Variants in GALNT13 observed in about 807,000 individuals in gnomAD.
The protein encoded by GALNT13 is polypeptide N-acetylgalactosaminyltransferase 13, also known as UDP-GalNAc:polypeptide N-acetylgalactosaminyltransferase 13.
GALNT13 carries 28 observed loss-of-function variants against 64.2 expected under a neutral mutation model. The observed-to-expected ratio is 0.44, with a 90% CI of 0.32 to 0.60. GALNT13 has a LOEUF of 0.60. Ranked by LOEUF, GALNT13 falls within the 20% of genes least tolerant of loss-of-function variation. The pLI, the probability that GALNT13 is intolerant of heterozygous loss-of-function variation, is 0.05. For synonymous variants in GALNT13, 214 were observed against 224.6 expected, an observed-to-expected ratio of 0.95 and a Z score of 0.42; for missense variants, 577 against 669.8, an observed-to-expected ratio of 0.86 and a Z score of 1.53.
At chr2:154,258,895 C>A in intron 7 of GALNT13, 126 bp from the exon 8 acceptor site, 1 of 563,704 alleles carries the variant, frequency 1.8e-6, no homozygotes, top group Non-Finnish European at 3.2e-6. Flanking sequence ...TACACCTTGA[C>A]TTTGTGTTTT....
At chr2:153,368,473 T>C in the GALNT13 span, among the ~76,000 whole-genome samples, 1 of 152,118 alleles carries the variant, frequency 6.6e-6, no homozygotes, top group Non-Finnish European at 1.5e-5. Context: ...CAGTCTATGA[T>C]ATTTTGTTAG....
chr2:153,563,541 G>A, the GALNT13 span, among the ~76,000 whole-genome samples: 1 of 152,050 alleles, frequency 6.6e-6, no homozygotes, highest in African/African-American at 2.4e-5. Flanking sequence ...TGTGTGGAGC[G>A]GGTCCGGGTA....
intron 9 of GALNT13, among the ~76,000 whole-genome samples, chr2:154,334,662 G>A (rs924309283): frequency 3.9e-5 from 6 of 151,900 alleles, no homozygotes; most frequent in Non-Finnish European, 8.8e-5. Context: ...TGTTTCTAAC[G>A]CCAGAATATT....
chr2:153,349,735 GA>G, the GALNT13 span, among the ~76,000 whole-genome samples: 1 of 151,998 alleles, frequency 6.6e-6, no homozygotes, highest in Admixed American at 6.6e-5. Context: ...AAAGAAAACC[GA>G]GTAAGTCTTG....
chr2:153,833,735 C>G, the GALNT13 span, among the ~76,000 whole-genome samples: 1 of 152,030 alleles, frequency 6.6e-6, no homozygotes, highest in East Asian at 1.9e-4. Context: ...AAGCAGCAGG[C>G]CAGATTTGGG....
At chr2:153,194,825 A>G in the GALNT13 span, among the ~76,000 whole-genome samples, 2 of 149,534 alleles carry the variant, frequency 1.3e-5, no homozygotes, top group East Asian at 4.0e-4. Flanking sequence ...TACTCTCTGT[A>G]TGATTACTTT....
chr2:153,876,672 A>T (rs1686403381), intron 1 of GALNT13, among the ~76,000 whole-genome samples: 1 of 152,116 alleles, frequency 6.6e-6, no homozygotes, highest in Non-Finnish European at 1.5e-5. Flanking sequence ...TTACCAAGAA[A>T]TGATTACAGG....
intron 12 of GALNT13, among the ~76,000 whole-genome samples, chr2:154,447,141 G>C (rs1701629343): frequency 6.6e-6 from 1 of 151,732 alleles, no homozygotes; most frequent in Non-Finnish European, 1.5e-5. Context: ...AACTAACAGG[G>C]CCAAAGAAAG....
the GALNT13 span, among the ~76,000 whole-genome samples, chr2:153,714,616 T>C: frequency 6.6e-6 from 1 of 152,096 alleles, no homozygotes; most frequent in African/African-American, 2.4e-5. Flanking sequence ...ATAATTAAGG[T>C]AGAGAAAAAT....
chr2:153,586,223 G>A, the GALNT13 span, among the ~76,000 whole-genome samples: 6 of 152,078 alleles, frequency 3.9e-5, no homozygotes, highest in African/African-American at 1.4e-4. Context: ...AATATAAATG[G>A]ATTAAATGCA....
the GALNT13 span, among the ~76,000 whole-genome samples, chr2:153,142,226 C>T: frequency 6.6e-6 from 1 of 151,972 alleles, no homozygotes; most frequent in Non-Finnish European, 1.5e-5. Context: ...AGAGCAAAAC[C>T]CCTGGAGGGG....
the GALNT13 span, among the ~76,000 whole-genome samples, chr2:153,828,487 G>A: frequency 6.6e-6 from 1 of 152,194 alleles, no homozygotes; most frequent in African/African-American, 2.4e-5. Flanking sequence ...TCTGAAGCCA[G>A]GGCCCAAGTT....
At chr2:154,360,635 A>G (rs1377609533) in intron 9 of GALNT13, among the ~76,000 whole-genome samples, 1 of 152,154 alleles carries the variant, frequency 6.6e-6, no homozygotes, top group African/African-American at 2.4e-5. Context: ...TGCAACGTGT[A>G]CCTATGTGTG....
At position 153,897,829 on chromosome 2, in the gene GALNT13, A is replaced by G. The variant is rs568533773; in HGVS notation, c.-176-3107A>G. 2.6e-5 allele frequency among the ~76,000 whole-genome samples: 4 copies of G among 152,196 alleles called. No individual in the cohort carries two copies. The South Asian group carries it at 8.3e-4, about 32-fold the overall frequency. ...CCATTACAATAATTATTTATTTCCC[A>G]GTTGTCCCAGATTAAACCAGTAAAA... is the stretch of plus-strand genomic sequence containing the variant. On this transcript the variant is annotated intron_variant, in intron 1 of 12. Transcript: ENST00000392825.
At chr2:153,517,881 T>A in the GALNT13 span, among the ~76,000 whole-genome samples, 1 of 152,026 alleles carries the variant, frequency 6.6e-6, no homozygotes, top group Non-Finnish European at 1.5e-5. Context: ...AATAGTAAAT[T>A]TGCAGTGGAA....
the GALNT13 span, among the ~76,000 whole-genome samples, chr2:153,581,881 A>T: frequency 6.6e-6 from 1 of 152,200 alleles, no homozygotes; most frequent in African/African-American, 2.4e-5. Context: ...TTCTTATTTG[A>T]CTACAAACTA....
the GALNT13 span, among the ~76,000 whole-genome samples, chr2:153,073,029 GAGGCACGATGCTAAGTGCTTT>G: frequency 2.0e-4 from 31 of 152,244 alleles, no homozygotes; most frequent in Middle Eastern, 0.01. Flanking sequence ...ACTTATATTC[GAGGCACGATGCTAAGTGCTTT>G]TGACACATGC....
At chr2:153,814,514 T>C in the GALNT13 span, among the ~76,000 whole-genome samples, 2 of 151,814 alleles carry the variant, frequency 1.3e-5, no homozygotes, top group African/African-American at 2.4e-5. Context: ...AATAAAACAA[T>C]TCATGACCAT....
chr2:153,785,545 A>G, the GALNT13 span, among the ~76,000 whole-genome samples: 3 of 152,188 alleles, frequency 2.0e-5, no homozygotes, highest in African/African-American at 7.2e-5. Context: ...GTATCTCCCT[A>G]CTGGGTGAGT....
Sources: gnomAD v4.1 joint callset for allele counts (sites outside exome capture counted in the v4.1 genomes callset) on GRCh38, gnomAD v4.1.1 for gene constraint, MANE v1.5 for transcripts, NCBI Gene and HGNC (gene_info 2026-07-23, HGNC 2026-07-21) for gene names.